Variants in NR4A1 observed in about 807,000 individuals in gnomAD.
NR4A1 encodes nuclear receptor subfamily 4immunitygroup A member 1.
Under a neutral mutation model 47.5 loss-of-function variants are expected in NR4A1, and 24 were observed. The ratio of observed to expected loss-of-function variants is 0.50; its 90% CI spans 0.37 to 0.71. The LOEUF (loss-of-function observed/expected upper bound fraction) is 0.71. Ranked by LOEUF, NR4A1 falls within the 30% of genes least tolerant of loss-of-function variation. NR4A1 has a pLI of 0.00. For missense variants in NR4A1, 669 were observed against 788.6 expected (o/e 0.85, Z 1.82); for synonymous variants, 353 against 345.7 (o/e 1.02, Z -0.24).
Position 52,058,791 on chromosome 12 carries a change from A to G in NR4A1, c.1644A>G (p.Pro548=). 6.2e-7 allele frequency: 1 copy of G among 1,612,496 alleles called. No individual in the cohort carries two copies. Among genetic ancestry groups the G allele is most frequent in the South Asian group, 1.1e-5 (1 of 91,050 alleles). ...HVAAVAGEPQ[P]ASCLSRLLGK... ...CAGCTGTGGCGGGCGAGCCCCAGCC[A>G]GCCAGCTGCCTGTCACGTCTGTTGG... Residue 548 remains proline (P), a synonymous_variant, in exon 7 of 7, where the codon CCA becomes CCG. Coordinates refer to ENST00000394825, the MANE Select transcript of NR4A1 (RefSeq NM_173157.3).
rs943732575 is a variant in NR4A1, at chr12:52,058,982, A to T, written c.*38A>T. On this transcript the variant is annotated 3_prime_UTR_variant, in exon 7 of 7. Coordinates refer to ENST00000394825, the MANE Select transcript of NR4A1 (RefSeq NM_173157.3). ...AACACGTGTGCACATGCGCACTCTCATATGCCACCCCATGTGCCTTTAGTC... is the reference window on the plus strand; with the variant it reads ...AACACGTGTGCACATGCGCACTCTCTTATGCCACCCCATGTGCCTTTAGTC... The T allele has an allele frequency of 1.9e-6, 3 of 1,579,486 alleles. No homozygotes were observed. The highest frequency in any genetic ancestry group is 1.7e-5 in the Admixed American group (1 of 58,566).
intron 2 of NR4A1, among the ~76,000 whole-genome samples, chr12:52,045,952 A>G (rs1938617438): frequency 6.6e-6 from 1 of 152,198 alleles, no homozygotes; most frequent in Non-Finnish European, 1.5e-5. Context: ...CAAAGCAGGA[A>G]GAGGAAGTGG....
In NR4A1 at chr12:52,055,267, T is replaced by G. The variant is rs1417194788; in HGVS notation, c.876+63T>G. On this transcript the variant is annotated intron_variant, in intron 2 of 6. Coordinates refer to ENST00000394825, the MANE Select transcript of NR4A1 (RefSeq NM_173157.3). ...TGGAGAGAGGCTGGCCTCATCCCAT[T>G]GGGACCTGTGGTCTCCCCCTGGGTT... 4 of 1,587,648 alleles carry G rather than the reference T, an allele frequency of 2.5e-6. No individual in the cohort carries two copies. In the Admixed American group the frequency reaches 6.9e-5, roughly 27 times the overall value.
At chr12:52,040,464 G>A (rs7311636) in intron 1 of NR4A1, among the ~76,000 whole-genome samples, 8,600 of 152,176 alleles carry the variant, frequency 0.057, 812 homozygotes, top group African/African-American at 0.2. Context: ...GACCAGTTTC[G>A]GGGGGATGGG....
At chr12:52,028,620 AC>A (rs1332071773) in intron 1 of NR4A1, among the ~76,000 whole-genome samples, 2 of 151,738 alleles carry the variant, frequency 1.3e-5, no homozygotes, top group Non-Finnish European at 2.9e-5. Context: ...AGACAAAAAG[AC>A]CAGGCCAGGC....
chr12:52,050,271 T>G (rs888888523), upstream of NR4A1, among the ~76,000 whole-genome samples: 5 of 152,078 alleles, frequency 3.3e-5, no homozygotes, highest in East Asian at 5.8e-4. Flanking sequence ...AGGTGATAAC[T>G]GGTCAGAGCT....
chr12:52,034,873 AATGGC>A (rs1322033393), intron 1 of NR4A1, among the ~76,000 whole-genome samples: 1 of 152,204 alleles, frequency 6.6e-6, no homozygotes, highest in Non-Finnish European at 1.5e-5. Flanking sequence ...CCTGTATGGA[AATGGC>A]AGATCTGCCA....
chr12:52,050,130 C>T (rs1297656378), upstream of NR4A1, among the ~76,000 whole-genome samples: 2 of 152,130 alleles, frequency 1.3e-5, no homozygotes, highest in Non-Finnish European at 2.9e-5. Context: ...CTTACTTTTC[C>T]GTGAGGGCTC....
At chr12:52,037,907 TTTTTGTTGTTG>T in intron 1 of NR4A1, 1 of 984,230 alleles carries the variant, frequency 1.0e-6, no homozygotes, top group African/African-American at 1.8e-5. Flanking sequence ...CAGGCGTGTT[TTTTTGTTGTTG>T]TTTTGTTTTT....
chr12:52,039,936 A>G (rs974068752), intron 1 of NR4A1, among the ~76,000 whole-genome samples: 2 of 152,182 alleles, frequency 1.3e-5, no homozygotes, highest in Non-Finnish European at 2.9e-5. Context: ...TGATGGGACC[A>G]TAGTGAGTGG....
chr12:52,051,495 G>C lies in NR4A1; in HGVS notation c.-76G>C, dbSNP rs56399921. 6.1e-6 allele frequency: 6 copies of C among 985,566 alleles called. No homozygotes were observed. The highest frequency in any genetic ancestry group is 1.7e-5 in the African/African-American group (1 of 57,260). The allele number at this position is 985,566 out of a possible 1,614,324, so 61.1% of individuals were successfully genotyped here. A position where few individuals can be genotyped will look rare whatever the true frequency, so the allele number is the denominator to read the frequency against. ...GGGGGAGTGCACAGAAGAACTTCGG[G>C]AGCGCACGCGGGACCAGGGACCAGG... On this transcript the variant is annotated 5_prime_UTR_variant, in exon 1 of 7. Coordinates refer to ENST00000394825, the MANE Select transcript of NR4A1 (RefSeq NM_173157.3).
At chr12:52,051,118 G>A (rs1475391508), upstream of NR4A1, among the ~76,000 whole-genome samples, 2 of 152,198 alleles carry the variant, frequency 1.3e-5, no homozygotes, top group East Asian at 3.9e-4. Flanking sequence ...AGTCCGGTGC[G>A]GGGAGCCTAG....
chr12:52,046,657 A>AT (rs1938653811), upstream of NR4A1, among the ~76,000 whole-genome samples: 1 of 152,220 alleles, frequency 6.6e-6, no homozygotes, highest in African/African-American at 2.4e-5. Flanking sequence ...ATATGAAGAA[A>AT]TACGTTCCTC....
At chr12:52,043,861 G>A (rs1938529893) in intron 2 of NR4A1, 1 of 1,289,204 alleles carries the variant, frequency 7.8e-7, no homozygotes, top group Admixed American at 2.3e-5. Flanking sequence ...CCTTCGTGCG[G>A]TTGTCTGGGA....
At chr12:52,049,003 A>C (rs145929878), upstream of NR4A1, among the ~76,000 whole-genome samples, 8 of 152,258 alleles carry the variant, frequency 5.3e-5, no homozygotes, top group East Asian at 1.5e-3. Context: ...AGTGGCCTTG[A>C]AGGAAGATGG....
At chr12:52,028,771 G>T (rs761160014) in intron 1 of NR4A1, among the ~76,000 whole-genome samples, 4 of 151,908 alleles carry the variant, frequency 2.6e-5, no homozygotes, top group Non-Finnish European at 4.4e-5. Flanking sequence ...GGGCGTGGTG[G>T]TGGGCGCTTG....
chr12:52,023,772 C>T (rs1937940791), intron 1 of NR4A1, among the ~76,000 whole-genome samples: 1 of 152,122 alleles, frequency 6.6e-6, no homozygotes, highest in Non-Finnish European at 1.5e-5. Context: ...CCCCAGCCTG[C>T]CGAGCCGCTC....
At chr12:52,039,382 C>T (rs552199061) in intron 1 of NR4A1, among the ~76,000 whole-genome samples, 23 of 152,332 alleles carry the variant, frequency 1.5e-4, no homozygotes, top group African/African-American at 5.5e-4. Context: ...TAAGAAAAGA[C>T]TAAAATACTT....
Position 52,058,752 on chromosome 12 carries a change from G to T in NR4A1, c.1605G>T (p.Leu535=). Residue 535 remains leucine (L), a synonymous_variant, in exon 7 of 7, where the codon CTG becomes CTT. Transcript: ENST00000394825. The stretch of plus-strand genomic sequence containing the variant: ...TGCAGAACCGCATCGCCAGCTGCCT[G>T]AAGGAGCACGTGGCAGCTGTGGCGG... The part of the protein sequence containing the change: ...EELQNRIASC[L]KEHVAAVAGE... 1.2e-6 allele frequency: 2 copies of T among 1,612,700 alleles called. No individual in the cohort carries two copies. Among genetic ancestry groups the T allele is most frequent in the South Asian group, 1.1e-5 (1 of 91,034 alleles).
Sources: gnomAD v4.1 joint callset for allele counts (sites outside exome capture counted in the v4.1 genomes callset) on GRCh38, gnomAD v4.1.1 for gene constraint, MANE v1.5 for transcripts, NCBI Gene and HGNC (gene_info 2026-07-23, HGNC 2026-07-21) for gene names.